GSTZ1: variants seen among roughly 807,000 people sequenced by gnomAD.
GSTZ1 encodes the protein maleylacetoacetate isomerase.
A neutral mutation model predicts 35.9 loss-of-function variants in GSTZ1; 34 were observed. The observed-to-expected ratio is 0.95, with a 90% CI of 0.72 to 1.26. The LOEUF is 1.26. Among genes scored for constraint, GSTZ1 ranks in the 50% most tolerant of loss-of-function variants. GSTZ1 has a pLI of 0.00. For synonymous variants in GSTZ1, 93 were observed against 101.2 expected (o/e 0.92, Z 0.49); for missense variants, 263 against 271.7 (o/e 0.97, Z 0.23).
At chr14:77,324,773 A>AG in intron 1 of GSTZ1, 97 bp from the exon 2 acceptor site, 1 of 1,273,542 alleles carries the variant, frequency 7.9e-7, no homozygotes, top group East Asian at 2.3e-5. Context: ...GGCCTGAGAG[A>AG]GGAGGCCTGG....
At position 77,329,789 on chromosome 14, in the gene GSTZ1, A is replaced by G. The variant is rs145202066; in HGVS notation, c.456A>G (p.Ile152Met). ...AGATCCTACAGAGCACAGCGGGCATATACTGTGTAGGAGACGAGGTAAGCT... is the reference window on the plus strand; with the variant it reads ...AGATCCTACAGAGCACAGCGGGCATGTACTGTGTAGGAGACGAGGTAAGCT... Reference protein sequence around the residue: ...LEQILQSTAGIYCVGDEVTMA... With the variant: ...LEQILQSTAGMYCVGDEVTMA... The change falls in exon 7 of 9, where the codon ATA becomes ATG. Residue 152 changes from isoleucine to methionine, a missense_variant. Transcript: ENST00000216465. The G allele has an allele frequency of 6.8e-6, 11 of 1,613,634 alleles. No individual in the cohort carries two copies. The African/African-American group carries it at 8.0e-5, about 12-fold the overall frequency.
At chr14:77,328,160 C>G in intron 5 of GSTZ1, 123 bp downstream of exon 5, 1 of 924,206 alleles carries the variant, frequency 1.1e-6, no homozygotes, top group Non-Finnish European at 1.6e-6. Flanking sequence ...CTCAGGGCCT[C>G]TGACCTGGAC....
At chr14:77,328,824 C>T (rs1168046109) in intron 5 of GSTZ1, 1 of 435,768 alleles carries the variant, frequency 2.3e-6, no homozygotes, top group African/African-American at 2.0e-5. Context: ...TGTGGGCACA[C>T]CTGCCACAGC....
intron 2 of GSTZ1, chr14:77,325,865 C>G (rs1272128175): frequency 6.6e-6 from 1 of 152,270 alleles, no homozygotes; most frequent in Non-Finnish European, 1.5e-5. Flanking sequence ...TACCTCTGCC[C>G]TGGCTGAGCC....
chr14:77,329,256 T>TGTGTG, intron 6 of GSTZ1, 55 bp downstream of exon 6: 1 of 1,138,856 alleles, frequency 8.8e-7, no homozygotes, highest in Non-Finnish European at 1.3e-6. Flanking sequence ...GGTATGGCCC[T>TGTGTG]CGCACACAGG....
In GSTZ1 at chr14:77,331,429, G is replaced by T; in HGVS notation, c.*234G>T. Reference sequence around the variant, plus strand: ...GCAGGAATACTGTTATCTATGTGACGGGGCAGTCGTGAGGCTGAGATGAGA... The same window carrying T: ...GCAGGAATACTGTTATCTATGTGACTGGGCAGTCGTGAGGCTGAGATGAGA... On this transcript the variant is annotated 3_prime_UTR_variant, in exon 9 of 9. Coordinates refer to ENST00000216465, the MANE Select transcript of GSTZ1 (RefSeq NM_145870.3). 2.1e-6 allele frequency: 1 copy of T among 476,548 alleles called. No homozygotes were observed. The highest frequency in any genetic ancestry group is 4.0e-5 in the South Asian group (1 of 25,002). 29.5% of individuals were successfully genotyped at this position (476,548 alleles called of 1,614,324 possible). A position where few individuals can be genotyped will look rare whatever the true frequency, so the allele number is the denominator to read the frequency against.
intron 7 of GSTZ1, 168 bp from the exon 8 acceptor site, chr14:77,330,142 G>T: frequency 1.3e-6 from 1 of 758,490 alleles, no homozygotes; most frequent in Non-Finnish European, 2.4e-6. Flanking sequence ...TTCAGCTCCG[G>T]GGGACAGACT....
At chr14:77,328,297 A>C (rs1176187113) in intron 5 of GSTZ1, 2 of 500,014 alleles carry the variant, frequency 4.0e-6, no homozygotes, top group African/African-American at 3.9e-5. Context: ...GGAAAGGGCC[A>C]GAATGGCAGG....
At position 77,324,893 on chromosome 14, in the gene GSTZ1, A is replaced by C. The variant is rs191650104; in HGVS notation, c.39A>C (p.Arg13=). 243 of 1,613,978 alleles carry C rather than the reference A, an allele frequency of 1.5e-4. 1 individual carries two copies. The highest frequency in any genetic ancestry group is 1.7e-4 in the Non-Finnish European group (202 of 1,179,900). Residue 13 remains arginine, a synonymous_variant, in exon 2 of 9, where the codon CGA becomes CGC. Coordinates refer to ENST00000216465, the MANE Select transcript of GSTZ1 (RefSeq NM_145870.3). The part of the protein sequence containing the change: ...AGKPILYSYF[R]SSCSWRVRIA... Reference sequence around the variant, plus strand: ...AGCCCATCCTCTATTCCTATTTCCGAAGCTCCTGCTCATGGAGAGTTCGAA... The same window carrying C: ...AGCCCATCCTCTATTCCTATTTCCGCAGCTCCTGCTCATGGAGAGTTCGAA...
At chr14:77,330,138 T>C in intron 7 of GSTZ1, 172 bp from the exon 8 acceptor site, 1 of 749,854 alleles carries the variant, frequency 1.3e-6, no homozygotes, top group Non-Finnish European at 2.4e-6. Context: ...GCACTTCAGC[T>C]CCGGGGGACA....
Position 77,327,556 on chromosome 14 carries a change from A to G in GSTZ1, c.216+4A>G. 1 of 1,590,406 alleles carries G rather than the reference A, an allele frequency of 6.3e-7. No individual in the cohort carries two copies. The highest frequency in any genetic ancestry group is 8.6e-7 in the Non-Finnish European group (1 of 1,162,054). On this transcript the variant is annotated splice_donor_region_variant and intron_variant, in intron 4 of 8. Transcript: ENST00000216465. ...TGGAATCACCATTCACCAGTCAGTG[A>G]GTGCAGGGCCTGGGGGAGGGCCCTC...
chr14:77,329,295 G>A (rs2270423), intron 6 of GSTZ1, 94 bp downstream of exon 6: 258,153 of 867,944 alleles, frequency 0.3, 40,329 homozygotes, highest in East Asian at 0.46. Context: ...AGCCTCCCAG[G>A]CTGCTTTGGG....
intron 6 of GSTZ1, 75 bp from the exon 7 acceptor site, chr14:77,329,680 T>G: frequency 8.6e-7 from 1 of 1,162,512 alleles, no homozygotes; most frequent in Non-Finnish European, 1.3e-6. Flanking sequence ...TTCATAACTA[T>G]GGAGGCCAAG....
intron 1 of GSTZ1, 46 bp downstream of exon 1, chr14:77,321,229 G>C (rs997782932): frequency 6.5e-7 from 1 of 1,533,236 alleles, no homozygotes; most frequent in African/African-American, 1.4e-5. Context: ...TAGACACCTG[G>C]AGACCCTGGG....
At chr14:77,322,601 G>A (rs1892079851) in intron 1 of GSTZ1, 1 of 984,566 alleles carries the variant, frequency 1.0e-6, no homozygotes, top group African/African-American at 1.7e-5. Flanking sequence ...GCCTGGCTAG[G>A]TAAGGAAAGG....
At chr14:77,327,327 G>A (rs1326723910) in intron 3 of GSTZ1, 145 bp from the exon 4 acceptor site, 1 of 654,540 alleles carries the variant, frequency 1.5e-6, no homozygotes, top group Non-Finnish European at 2.8e-6. Flanking sequence ...GATCCCCCAG[G>A]GATTACCCTG....
rs369002279 is a variant in GSTZ1 at position 77,326,880 on chromosome 14, A to G, written c.110A>G (p.Asn37Ser). 1.9e-5 allele frequency: 31 copies of G among 1,606,764 alleles called. No individual in the cohort carries two copies. Among genetic ancestry groups the G allele is most frequent in the South Asian group, 2.2e-5 (2 of 89,602 alleles). ...KGIDYETVPINLIKDGGQQFS... is the reference protein window; with the variant it reads ...KGIDYETVPISLIKDGGQQFS... ...ATCGACTACGAGACGGTGCCCATCA[A>G]TCTCATAAAGGATGGGGGCCAACAG... is the stretch of plus-strand genomic sequence containing the variant. The change falls in exon 3 of 9, where the codon AAT becomes AGT. Residue 37 changes from asparagine (N) to serine (S), a missense_variant. Asn to Ser is a conservative substitution (Grantham distance 46). Coordinates refer to ENST00000216465, the MANE Select transcript of GSTZ1 (RefSeq NM_145870.3).
chr14:77,329,117 G>A lies in GSTZ1; in HGVS notation c.343-6G>A. 6.2e-7 allele frequency: 1 copy of A among 1,604,622 alleles called. No individual in the cohort carries two copies. Among genetic ancestry groups the A allele is most frequent in the Middle Eastern group, 1.7e-4 (1 of 6,044 alleles). On this transcript the variant is annotated splice_region_variant and splice_polypyrimidine_tract_variant and intron_variant, in intron 5 of 8. Coordinates refer to ENST00000216465, the MANE Select transcript of GSTZ1 (RefSeq NM_145870.3). ...CGCAATCACAGATTTTCTTTGGGCT[G>A]CACAGAACCTGTCTGTCCTGAAGCA... is the stretch of plus-strand genomic sequence containing the variant.
intron 1 of GSTZ1, chr14:77,321,539 G>C: frequency 1.5e-6 from 2 of 1,298,706 alleles, no homozygotes; most frequent in Non-Finnish European, 2.0e-6. Context: ...AGCCCTTCAT[G>C]CTCTTCTCTT....
Sources: gnomAD v4.1 joint callset for allele counts on GRCh38, gnomAD v4.1.1 for gene constraint, MANE v1.5 for transcripts, NCBI Gene and HGNC (gene_info 2026-07-23, HGNC 2026-07-21) for gene names.